The following FKBP14 variants were observed in gnomAD, a reference collection of about 807,000 sequenced individuals.
The protein encoded by FKBP14 is peptidyl-prolyl cis-trans isomerase FKBP14.
In FKBP14, 20 loss-of-function variants were observed where a neutral mutation model predicts 21.6. The ratio of observed to expected loss-of-function variants is 0.92; its 90% confidence interval spans 0.65 to 1.34. FKBP14 has a LOEUF of 1.34. FKBP14 is among the 40% of genes most tolerant of loss of function. FKBP14 has a pLI of 0.00. For missense variants in FKBP14, 253 were observed against 249.0 expected, an observed-to-expected ratio of 1.02 and a Z score of -0.11; for synonymous variants, 79 against 86.7, an observed-to-expected ratio of 0.91 and a Z score of 0.49.
At chr7:30,025,236 G>A (rs1264512473) in intron 1 of FKBP14, among the ~76,000 whole-genome samples, 1 of 152,160 alleles carries the variant, frequency 6.6e-6, no homozygotes, top group Non-Finnish European at 1.5e-5. Context: ...CATCTTCCAA[G>A]GTTCATTTCA....
chr7:30,014,894 C>A lies in FKBP14; in HGVS notation c.478-1G>T. ...ACTCCTTCTTTAAATATGCTTTAAC[C>A]TACAAAATAACAGATCCCATTAATA... is the stretch of plus-strand genomic sequence containing the variant. On this transcript the variant is annotated splice_acceptor_variant, in intron 3 of 3. Transcript: ENST00000222803. LOFTEE classifies it high-confidence loss of function. 1 of 1,574,492 alleles carries A rather than the reference C, an allele frequency of 6.4e-7. No individual in the cohort carries two copies. Among genetic ancestry groups the A allele is most frequent in the Non-Finnish European group, 8.6e-7 (1 of 1,164,998 alleles).
chr7:30,020,676 C>G (rs1583732198), intron 2 of FKBP14, among the ~76,000 whole-genome samples: 1 of 152,274 alleles, frequency 6.6e-6, no homozygotes, highest in African/African-American at 2.4e-5. Flanking sequence ...CTCTCATTCT[C>G]AAAATACCTT....
At chr7:30,015,917 G>T (rs1309354188) in intron 3 of FKBP14, among the ~76,000 whole-genome samples, 1 of 148,662 alleles carries the variant, frequency 6.7e-6, no homozygotes, top group Admixed American at 6.7e-5. Flanking sequence ...GAGCCACCGC[G>T]CCCGGCCTTT....
At chr7:30,023,666 C>T (rs555356398) in intron 1 of FKBP14, among the ~76,000 whole-genome samples, 16 of 152,264 alleles carry the variant, frequency 1.1e-4, no homozygotes, top group South Asian at 4.1e-4. Flanking sequence ...AATGGACTCG[C>T]GGTTCCACAT....
At chr7:30,025,055 G>C (rs893414839) in intron 1 of FKBP14, among the ~76,000 whole-genome samples, 15 of 152,308 alleles carry the variant, frequency 9.8e-5, no homozygotes, top group African/African-American at 3.4e-4. Flanking sequence ...GTTTAGAGAA[G>C]AGCCCCATTC....
intron 1 of FKBP14, 147 bp downstream of exon 1, chr7:30,026,165 A>G (rs1790166056): frequency 2.5e-6 from 2 of 786,378 alleles, no homozygotes; most frequent in Admixed American, 2.7e-5. Context: ...CTGGCTTTAA[A>G]CAATTTCCTT....
intron 1 of FKBP14, 47 bp downstream of exon 1, chr7:30,026,265 G>A: frequency 6.5e-7 from 1 of 1,533,164 alleles, no homozygotes; most frequent in Non-Finnish European, 8.9e-7. Context: ...TGGCATAAGT[G>A]AGTGGATTCT....
At position 30,014,533 on chromosome 7, in the gene FKBP14, C is replaced by G. The variant is rs1562835688; in HGVS notation, c.*202G>C. The G allele has an allele frequency of 2.9e-6, 1 of 343,574 alleles. No homozygotes were observed. The highest frequency in any genetic ancestry group is 2.1e-5 in the African/African-American group (1 of 47,420). 21.3% of individuals were successfully genotyped at this position (343,574 alleles called of 1,614,324 possible). A position where few individuals can be genotyped will look rare whatever the true frequency, so the allele number is the denominator to read the frequency against. The stretch of plus-strand genomic sequence containing the variant: ...GTCCAGAAGTCTTCTATTCAAAGAC[C>G]AATTAGCTTTTTCTTCCCAATAACT... On this transcript the variant is annotated 3_prime_UTR_variant, in exon 4 of 4. Coordinates refer to ENST00000222803, the MANE Select transcript of FKBP14 (RefSeq NM_017946.4).
rs763587239 is a variant in FKBP14, at chr7:30,026,509, G to C, written c.-1C>G. On this transcript the variant is annotated 5_prime_UTR_variant, in exon 1 of 4. Transcript: ENST00000222803. Reference sequence around the variant, plus strand: ...CCGCGTTCCACAAGAAAAGCCTCATGTTGCTGAAGCAAGGAAAGAAGTCCC... The same window carrying C: ...CCGCGTTCCACAAGAAAAGCCTCATCTTGCTGAAGCAAGGAAAGAAGTCCC... 6.2e-7 allele frequency: 1 copy of C among 1,605,542 alleles called. No homozygotes were observed. The highest frequency in any genetic ancestry group is 8.5e-7 in the Non-Finnish European group (1 of 1,176,338).
intron 1 of FKBP14, among the ~76,000 whole-genome samples, chr7:30,024,687 C>T (rs1340401802): frequency 1.3e-5 from 2 of 152,200 alleles, no homozygotes; most frequent in South Asian, 4.1e-4. Flanking sequence ...TGAGCCACCA[C>T]GCCCAGCCAA....
At chr7:30,019,181 A>C in intron 2 of FKBP14, 58 bp from the exon 3 acceptor site, 3 of 1,524,610 alleles carry the variant, frequency 2.0e-6, no homozygotes, top group South Asian at 2.5e-5. Context: ...TAATAATAGA[A>C]AATTTATGGT....
rs375827354 is a variant in FKBP14, at chr7:30,019,129, G to A, written c.350-6C>T. On this transcript the variant is annotated splice_polypyrimidine_tract_variant and splice_region_variant and intron_variant, in intron 2 of 3. Transcript: ENST00000222803. ...ACTTTCTGGGGGAATTTTACCTGAC[G>A]TGAGGAAAGAAGGCAGAAAGTTTTA... is the stretch of plus-strand genomic sequence containing the variant. 15 of 1,562,898 alleles carry A rather than the reference G, an allele frequency of 9.6e-6. No homozygotes were observed. In the African/African-American group the frequency reaches 1.1e-4, roughly 12 times the overall value.
chr7:30,014,905 C>G lies in FKBP14; in HGVS notation c.478-12G>C. Reference sequence around the variant, plus strand: ...AAATATGCTTTAACCTACAAAATAACAGATCCCATTAATAACTTGGATTCA... The same window carrying G: ...AAATATGCTTTAACCTACAAAATAAGAGATCCCATTAATAACTTGGATTCA... On this transcript the variant is annotated splice_polypyrimidine_tract_variant and intron_variant, in intron 3 of 3. Coordinates refer to ENST00000222803, the MANE Select transcript of FKBP14 (RefSeq NM_017946.4). 1.3e-6 allele frequency: 2 copies of G among 1,558,098 alleles called. No homozygotes were observed. Among genetic ancestry groups the G allele is most frequent in the Admixed American group, 4.0e-5 (2 of 49,598 alleles).
rs543492611 is a variant in FKBP14, at chr7:30,022,757, T to C, written c.257A>G (p.Lys86Arg). 25 of 1,614,052 alleles carry C rather than the reference T, an allele frequency of 1.5e-5. No homozygotes were observed. Among genetic ancestry groups the C allele is most frequent in the Non-Finnish European group, 2.0e-5 (24 of 1,180,024 alleles). ...TCCTTTCAAGCCCTGGTCCCAACCTTTGAGAGCCTCCAGGATGCCCAGGGT... is the reference window on the plus strand; with the variant it reads ...TCCTTTCAAGCCCTGGTCCCAACCTCTGAGAGCCTCCAGGATGCCCAGGGT... ...WFTLGILEAL[K>R]GWDQGLKGMC... is the part of the protein sequence containing the mutation. The change falls in exon 2 of 4, where the codon AAA becomes AGA. Residue 86 changes from lysine (K) to arginine (R), a missense_variant. Transcript: ENST00000222803.
chr7:30,022,799 C>T lies in FKBP14; in HGVS notation c.215G>A (p.Gly72Asp), dbSNP rs949937945. The stretch of plus-strand genomic sequence containing the variant: ...GCCCAGGGTAAACCAAATGGGCTGA[C>T]CATTGTTATGTTTGTGACTATGATA... ...LFHSTHKHNN[G>D]QPIWFTLGIL... The change falls in exon 2 of 4, where the codon GGT becomes GAT. Residue 72 changes from glycine to aspartate, a missense_variant. Physicochemically the swap from Gly to Asp is moderately conservative, Grantham distance 94. Transcript: ENST00000222803. 3 of 1,613,600 alleles carry T rather than the reference C, an allele frequency of 1.9e-6. No individual in the cohort carries two copies. The highest frequency in any genetic ancestry group is 2.7e-5 in the African/African-American group (2 of 75,000).
chr7:30,022,728 A>G lies in FKBP14; in HGVS notation c.286T>C (p.Cys96Arg), dbSNP rs2127949527. The change falls in exon 2 of 4, where the codon TGT (cysteine) becomes CGT (arginine). Residue 96 changes from cysteine to arginine, a missense_variant. Transcript: ENST00000222803. ...KGWDQGLKGM[C>R]VGEKRKLIIP... is the part of the protein sequence containing the mutation. Reference sequence around the variant, plus strand: ...ATGAGCTTTCTCTTCTCTCCTACACACATTCCTTTCAAGCCCTGGTCCCAA... The same window carrying G: ...ATGAGCTTTCTCTTCTCTCCTACACGCATTCCTTTCAAGCCCTGGTCCCAA... 6.2e-7 allele frequency: 1 copy of G among 1,614,162 alleles called. No individual in the cohort carries two copies. Among genetic ancestry groups the G allele is most frequent in the East Asian group, 2.2e-5 (1 of 44,872 alleles).
rs753355121 is a variant in FKBP14 at position 30,019,045 on chromosome 7, G to C, written c.428C>G (p.Ser143Ter). Residue 143 changes from serine to a stop codon, truncating the protein, a stop_gained, in exon 3 of 4, where the codon TCA becomes TGA. Coordinates refer to ENST00000222803, the MANE Select transcript of FKBP14 (RefSeq NM_017946.4). LOFTEE classifies it high-confidence loss of function. ...EIRNGPRSHE[S>*]FQEMDLNDDW... is the part of the protein sequence containing the mutation. ...ATCATTAAGATCCATTTCTTGGAAT[G>C]ATTCATGGGATCTTGGTCCATTTCG... 5 of 1,603,034 alleles carry C rather than the reference G, an allele frequency of 3.1e-6. No individual in the cohort carries two copies. The Admixed American group carries it at 8.7e-5, about 28-fold the overall frequency.
At chr7:30,006,377 T>G (rs950497760), downstream of FKBP14, among the ~76,000 whole-genome samples, 3 of 152,080 alleles carry the variant, frequency 2.0e-5, no homozygotes, top group African/African-American at 7.2e-5. Context: ...TCCTCCTTCC[T>G]TGGCCTCCGG....
downstream of FKBP14, among the ~76,000 whole-genome samples, chr7:30,007,239 C>G (rs1309039783): frequency 7.2e-6 from 1 of 139,166 alleles, no homozygotes; most frequent in Non-Finnish European, 1.5e-5. Context: ...TAGACAGAGT[C>G]TCGCTCTGTC....
Sources: gnomAD v4.1 joint callset for allele counts (sites outside exome capture counted in the v4.1 genomes callset) on GRCh38, gnomAD v4.1.1 for gene constraint, MANE v1.5 for transcripts, NCBI Gene and HGNC (gene_info 2026-07-23, HGNC 2026-07-21) for gene names.